The following ATG5 variants were observed in gnomAD, a reference collection of about 807,000 sequenced individuals.
ATG5 encodes autophagy related 5.
A neutral mutation model predicts 36.5 loss-of-function variants in ATG5; 14 were observed. That is an observed-to-expected ratio of 0.38 (90% CI 0.25 to 0.60). The LOEUF (loss-of-function observed/expected upper bound fraction) is 0.60. ATG5 is among the 20% of genes least tolerant of loss of function. The pLI is 0.60. For missense variants in ATG5, 195 were observed against 326.7 expected, an observed-to-expected ratio of 0.60 and a Z score of 3.11; for synonymous variants, 95 against 101.5, an observed-to-expected ratio of 0.94 and a Z score of 0.38.
chr6:106,253,097 T>C (rs989065032), intron 5 of ATG5, among the ~76,000 whole-genome samples: 7 of 152,232 alleles, frequency 4.6e-5, no homozygotes, highest in Admixed American at 4.6e-4. Context: ...AATTAATTTC[T>C]TCATACGTAA....
intron 6 of ATG5, among the ~76,000 whole-genome samples, chr6:106,229,864 C>G (rs1396361138): frequency 1.3e-5 from 2 of 152,190 alleles, no homozygotes; most frequent in Non-Finnish European, 2.9e-5. Flanking sequence ...GCACACCTCA[C>G]CGGTTCAGAA....
chr6:106,296,157 C>T (rs1312582976), intron 3 of ATG5, among the ~76,000 whole-genome samples: 3 of 151,630 alleles, frequency 2.0e-5, no homozygotes, highest in Non-Finnish European at 4.4e-5. Context: ...TAATGATTGA[C>T]ACTTCATGAC....
At chr6:106,311,280 A>G (rs943417048) in intron 2 of ATG5, among the ~76,000 whole-genome samples, 3 of 152,242 alleles carry the variant, frequency 2.0e-5, no homozygotes, top group African/African-American at 7.2e-5. Flanking sequence ...AAAAGATACA[A>G]AAAAACAAAA....
chr6:106,214,017 A>C (rs1776948933), intron 6 of ATG5, among the ~76,000 whole-genome samples: 1 of 152,168 alleles, frequency 6.6e-6, no homozygotes, highest in Admixed American at 6.6e-5. Flanking sequence ...TAATGAGAAT[A>C]AATATTATGT....
intron 6 of ATG5, among the ~76,000 whole-genome samples, chr6:106,245,357 C>T (rs1222381271): frequency 6.6e-6 from 1 of 152,168 alleles, no homozygotes; most frequent in African/African-American, 2.4e-5. Flanking sequence ...CTTATTTGGT[C>T]AGGGCAGACT....
intron 3 of ATG5, among the ~76,000 whole-genome samples, chr6:106,300,648 C>A (rs772463073): frequency 1.4e-4 from 22 of 152,084 alleles, no homozygotes; most frequent in Non-Finnish European, 3.1e-4. Flanking sequence ...TGTTCCTAGG[C>A]TATAATCCTG....
chr6:106,319,595 T>C (rs768896567), intron 1 of ATG5, among the ~76,000 whole-genome samples: 1 of 152,190 alleles, frequency 6.6e-6, no homozygotes, highest in Non-Finnish European at 1.5e-5. Context: ...AACTTAAACA[T>C]GCTTTAGGAC....
chr6:106,236,643 A>G (rs1777915845), intron 6 of ATG5, among the ~76,000 whole-genome samples: 1 of 152,224 alleles, frequency 6.6e-6, no homozygotes, highest in South Asian at 2.1e-4. Flanking sequence ...CTTTTGTGAA[A>G]TAGTTAACTT....
In ATG5 at chr6:106,260,972, G is replaced by A. The variant is rs140556702; in HGVS notation, c.479-12728C>T. Reference sequence around the variant, plus strand: ...TCTAGGCTTTTGTTTAAAAGCATGTGACACCTGGAAATGCGTAATACATGA... The same window carrying A: ...TCTAGGCTTTTGTTTAAAAGCATGTAACACCTGGAAATGCGTAATACATGA... On this transcript the variant is annotated intron_variant, in intron 5 of 7. Coordinates refer to ENST00000369076, the MANE Select transcript of ATG5 (RefSeq NM_004849.4). 4.2e-3 allele frequency among the ~76,000 whole-genome samples: 637 copies of A among 152,268 alleles called. 5 individuals carry two copies. The highest frequency in any genetic ancestry group is 0.015 in the African/African-American group (607 of 41,538).
At chr6:106,222,484 TTA>T (rs1777287590) in intron 6 of ATG5, among the ~76,000 whole-genome samples, 1 of 152,144 alleles carries the variant, frequency 6.6e-6, no homozygotes, top group Admixed American at 6.5e-5. Context: ...GGGGAGAACA[TTA>T]TGTTTTTACT....
At chr6:106,263,207 A>G (rs1187893618) in intron 5 of ATG5, among the ~76,000 whole-genome samples, 1 of 152,188 alleles carries the variant, frequency 6.6e-6, no homozygotes, top group East Asian at 1.9e-4. Context: ...TTTTCCTCTG[A>G]CAGTGCTAAG....
intron 1 of ATG5, among the ~76,000 whole-genome samples, chr6:106,321,523 T>C (rs1171362541): frequency 6.6e-6 from 1 of 151,790 alleles, no homozygotes; most frequent in East Asian, 1.9e-4. Context: ...CGCGCCAAGC[T>C]AATTTTTTGT....
intron 3 of ATG5, among the ~76,000 whole-genome samples, chr6:106,307,837 A>G (rs764507923): frequency 1.3e-5 from 2 of 152,158 alleles, no homozygotes; most frequent in Non-Finnish European, 2.9e-5. Flanking sequence ...TATCAGTTCA[A>G]TACCCTTCTT....
intron 6 of ATG5, among the ~76,000 whole-genome samples, chr6:106,210,332 T>C (rs1257648071): frequency 1.3e-5 from 2 of 152,204 alleles, no homozygotes; most frequent in African/African-American, 2.4e-5. Context: ...ATATATACTA[T>C]AACAGAGCAA....
At chr6:106,315,880 A>G (rs1041066849) in intron 2 of ATG5, among the ~76,000 whole-genome samples, 5 of 152,202 alleles carry the variant, frequency 3.3e-5, no homozygotes, top group Admixed American at 6.5e-5. Flanking sequence ...AAAGTCCAGA[A>G]CGCATCATGA....
chr6:106,195,916 C>T (rs1307684908), intron 7 of ATG5, among the ~76,000 whole-genome samples: 4 of 151,118 alleles, frequency 2.6e-5, no homozygotes, highest in African/African-American at 9.7e-5. Context: ...CAAAGAATCT[C>T]TTTTAAAAGA....
At chr6:106,317,178 T>G (rs1405927585) in intron 1 of ATG5, among the ~76,000 whole-genome samples, 1 of 152,180 alleles carries the variant, frequency 6.6e-6, no homozygotes, top group East Asian at 1.9e-4. Flanking sequence ...ACGATATGAG[T>G]AAATGCTGAA....
intron 6 of ATG5, among the ~76,000 whole-genome samples, chr6:106,210,017 G>C (rs1354469292): frequency 6.6e-6 from 1 of 152,200 alleles, no homozygotes. Flanking sequence ...AGATTTCCAA[G>C]TGATTCATGT....
chr6:106,276,181 T>C (rs1779638318), intron 5 of ATG5, among the ~76,000 whole-genome samples: 2 of 152,182 alleles, frequency 1.3e-5, no homozygotes, highest in Admixed American at 1.3e-4. Context: ...ATTAAGAAAC[T>C]GGGCCGGGCG....
Sources: allele counts gnomAD v4.1 joint callset (sites outside exome capture counted in the v4.1 genomes callset), GRCh38; gene constraint gnomAD v4.1.1; transcripts MANE v1.5; gene names NCBI Gene and HGNC (gene_info 2026-07-23, HGNC 2026-07-21).